The following BAIAP3 variants were observed in gnomAD, a reference collection of about 807,000 sequenced individuals.
BAIAP3 encodes the protein BAI1-associated protein 3.
A neutral mutation model predicts 149.7 loss-of-function variants in BAIAP3; 180 were observed. The observed-to-expected ratio is 1.20, with a 90% confidence interval of 1.07 to 1.36. The LOEUF is 1.36. Among genes scored for constraint, BAIAP3 ranks in the 40% most tolerant of loss-of-function variants. The probability of loss-of-function intolerance (pLI) is 0.00; values close to 1 mark genes in which losing one functional copy is unlikely to be tolerated. For synonymous variants in BAIAP3, 845 were observed against 670.7 expected (o/e 1.26, Z -4.02); for missense variants, 1,767 against 1,563.4 (o/e 1.13, Z -2.20).
chr16:1,337,647 T>G (rs895905731), intron 1 of BAIAP3, among the ~76,000 whole-genome samples: 3 of 152,192 alleles, frequency 2.0e-5, no homozygotes, highest in Admixed American at 6.5e-5. Context: ...AGAGGGCAGC[T>G]CTGTCCCAGC....
chr16:1,347,642 G>T lies in BAIAP3; in HGVS notation c.2904+17G>T. ...CTCAAACAGGTAGGGAGGCGCCAGGGACAGGGTGCTGCCTCCGAGGCTCCC... is the reference window on the plus strand; with the variant it reads ...CTCAAACAGGTAGGGAGGCGCCAGGTACAGGGTGCTGCCTCCGAGGCTCCC... On this transcript the variant is annotated intron_variant, in intron 30 of 33. Transcript: ENST00000426824. 2 of 1,612,958 alleles carry T rather than the reference G, an allele frequency of 1.2e-6. No homozygotes were observed. The highest frequency in any genetic ancestry group is 1.1e-5 in the South Asian group (1 of 91,074).
intron 4 of BAIAP3, 32 bp from the exon 5 acceptor site, chr16:1,339,464 C>G (rs374144851): frequency 4.4e-6 from 7 of 1,585,104 alleles, no homozygotes; most frequent in Admixed American, 1.7e-5. Context: ...GCCTGGGACG[C>G]GGCACTGTGG....
At chr16:1,343,930 G>A in intron 15 of BAIAP3, 92 bp from the exon 16 acceptor site, 1 of 1,563,074 alleles carries the variant, frequency 6.4e-7, no homozygotes, top group South Asian at 1.2e-5. Flanking sequence ...ACCATGCCCG[G>A]GGAAGGGTGT....
chr16:1,339,183 C>A lies in BAIAP3; in HGVS notation c.239C>A (p.Ser80Ter). 4 of 1,566,800 alleles carry A rather than the reference C, an allele frequency of 2.6e-6. No homozygotes were observed. In the South Asian group the frequency reaches 4.7e-5, roughly 18 times the overall value. The change falls in exon 4 of 34, where the codon TCG becomes TAG. Residue 80 changes from serine (S) to a stop codon, truncating the protein, a stop_gained. Coordinates refer to ENST00000426824, the MANE Select transcript of BAIAP3 (RefSeq NM_001199097.2). LOFTEE classifies it high-confidence loss of function. ...ACACAGGTCCCCCTGCGCAGTGGCT[C>A]GCCAGCACCCCCGGAGCCTGTGGAT... The part of the protein sequence containing the change: ...PCLEVPLRSG[S>*]PAPPEPVDPS...
chr16:1,341,019 C>A (rs542163496), intron 6 of BAIAP3, 38 bp downstream of exon 6: 13 of 1,608,338 alleles, frequency 8.1e-6, no homozygotes, highest in Non-Finnish European at 1.1e-5. Context: ...CTGACCAGCA[C>A]GTGCCTGCGT....
At chr16:1,337,669 G>GGCT (rs377475253) in intron 1 of BAIAP3, among the ~76,000 whole-genome samples, 12 of 152,132 alleles carry the variant, frequency 7.9e-5, no homozygotes, top group South Asian at 2.1e-4. Flanking sequence ...GTGACATCTG[G>GGCT]GCTGCTGCTG....
At position 1,343,518 on chromosome 16, in the gene BAIAP3, G is replaced by T. The variant is rs2034082959; in HGVS notation, c.1386+5G>T. On this transcript the variant is annotated splice_donor_5th_base_variant and intron_variant, in intron 15 of 33. Coordinates refer to ENST00000426824, the MANE Select transcript of BAIAP3 (RefSeq NM_001199097.2). ...CCTTCACTGCCCCAGGAGCAGGTGG[G>T]TGCAGCCGGGACCTTCTTGCCAGCC... 2 of 1,606,056 alleles carry T rather than the reference G, an allele frequency of 1.2e-6. No individual in the cohort carries two copies. Among genetic ancestry groups the T allele is most frequent in the Non-Finnish European group, 1.7e-6 (2 of 1,177,922 alleles).
intron 2 of BAIAP3, 61 bp downstream of exon 2, chr16:1,338,741 C>T: frequency 1.3e-6 from 2 of 1,560,276 alleles, no homozygotes; most frequent in African/African-American, 1.4e-5. Flanking sequence ...AGACTTCACA[C>T]ATGGCCGCCC....
Position 1,339,686 on chromosome 16 carries a change from C to G in BAIAP3, c.408+83C>G, listed in dbSNP as rs148244582. ...CCCACCCACTGACACCATCATCACCCAAACAGTATGCAGAATCTCCCCGAT... is the reference window on the plus strand; with the variant it reads ...CCCACCCACTGACACCATCATCACCGAAACAGTATGCAGAATCTCCCCGAT... On this transcript the variant is annotated intron_variant, in intron 5 of 33. Transcript: ENST00000426824. 2.0e-5 allele frequency: 22 copies of G among 1,102,318 alleles called. No individual in the cohort carries two copies. The African/African-American group carries it at 2.8e-4, about 14-fold the overall frequency. 68.3% of individuals were successfully genotyped at this position (1,102,318 alleles called of 1,614,324 possible).
At chr16:1,346,759 C>T (rs1596589525) in intron 27 of BAIAP3, 75 bp downstream of exon 27, 8 of 1,526,778 alleles carry the variant, frequency 5.2e-6, no homozygotes, top group Non-Finnish European at 7.0e-6. Context: ...GCCGGAGGCC[C>T]TGTGGGAGCT....
chr16:1,343,598 A>G (rs2034088925), intron 15 of BAIAP3, 85 bp downstream of exon 15: 18 of 1,544,796 alleles, frequency 1.2e-5, no homozygotes, highest in Non-Finnish European at 1.6e-5. Context: ...GGCGAGGGGC[A>G]GAGTCCTGCC....
At chr16:1,340,842 C>T in intron 5 of BAIAP3, 80 bp from the exon 6 acceptor site, 2 of 1,462,374 alleles carry the variant, frequency 1.4e-6, no homozygotes, top group Non-Finnish European at 1.9e-6. Flanking sequence ...CTGTGACGGG[C>T]TGAGCCCGAG....
Position 1,346,522 on chromosome 16 carries a change from G to A in BAIAP3, c.2562+12G>A, listed in dbSNP as rs995305379. 6.2e-7 allele frequency: 1 copy of A among 1,606,810 alleles called. No individual in the cohort carries two copies. Among genetic ancestry groups the A allele is most frequent in the Non-Finnish European group, 8.5e-7 (1 of 1,177,104 alleles). ...TCCAGAACGATGAGGTGAGTGCCGG[G>A]GCGAGGGGCCGTGGAGGACTGTGTG... On this transcript the variant is annotated intron_variant, in intron 26 of 33. Coordinates refer to ENST00000426824, the MANE Select transcript of BAIAP3 (RefSeq NM_001199097.2).
chr16:1,344,683 C>A lies in BAIAP3; in HGVS notation c.1742C>A (p.Ala581Asp). The change falls in exon 19 of 34, where the codon GCC (alanine) becomes GAC (aspartate). Residue 581 changes from alanine (A) to aspartate (D), a missense_variant. Physicochemically the swap from Ala to Asp is moderately radical, Grantham distance 126. Transcript: ENST00000426824. ...CTTCAGTTCTGCTACAGTGTGTACG[C>A]CAGCCTCTTCCACAGGTGGGCCTGG... ...DDLQFCYSVYASLFHSILNVD... is the reference protein window; with the variant it reads ...DDLQFCYSVYDSLFHSILNVD... 1 of 1,613,644 alleles carries A rather than the reference C, an allele frequency of 6.2e-7. No individual in the cohort carries two copies. Among genetic ancestry groups the A allele is most frequent in the African/African-American group, 1.3e-5 (1 of 75,060 alleles).
At chr16:1,336,506 C>G (rs1042096014) in intron 1 of BAIAP3, 1 of 573,024 alleles carries the variant, frequency 1.7e-6, no homozygotes, top group Non-Finnish European at 2.2e-6. Context: ...ACCCAGGGCT[C>G]GGGGGCTGGC....
chr16:1,334,351 A>G (rs1285551535), intron 1 of BAIAP3, among the ~76,000 whole-genome samples: 1 of 151,222 alleles, frequency 6.6e-6, no homozygotes, highest in Non-Finnish European at 1.5e-5. Context: ...CCGCCCCCAG[A>G]CTCACCCCGG....
intron 1 of BAIAP3, among the ~76,000 whole-genome samples, chr16:1,335,089 C>A (rs926777196): frequency 1.5e-4 from 23 of 152,248 alleles, no homozygotes; most frequent in African/African-American, 3.4e-4. Context: ...ACCCTGAGCC[C>A]CCAAATGGCC....
In BAIAP3 at chr16:1,342,028, G is replaced by A. The variant is rs921315526; in HGVS notation, c.819G>A (p.Lys273=). 1.2e-6 allele frequency: 2 copies of A among 1,607,558 alleles called. No individual in the cohort carries two copies. Among genetic ancestry groups the A allele is most frequent in the Non-Finnish European group, 1.7e-6 (2 of 1,177,092 alleles). ...TATCCCTGGTAGAAGCGTGCAGGAA[G>A]CTGAATGAAGTCATCGGCCTGAAGG... The part of the protein sequence containing the change: ...DDVSLVEACR[K]LNEVIGLKGM... Residue 273 remains lysine, a synonymous_variant, in exon 10 of 34, where the codon AAG becomes AAA. Coordinates refer to ENST00000426824, the MANE Select transcript of BAIAP3 (RefSeq NM_001199097.2).
chr16:1,339,298 G>A (rs2033691322), intron 4 of BAIAP3, 54 bp downstream of exon 4: 3 of 1,540,024 alleles, frequency 1.9e-6, no homozygotes, highest in Non-Finnish European at 2.6e-6. Flanking sequence ...TGCTCCCTCA[G>A]CCGTTTAGAG....
Sources: allele counts gnomAD v4.1 joint callset (sites outside exome capture counted in the v4.1 genomes callset), GRCh38; gene constraint gnomAD v4.1.1; transcripts MANE v1.5; gene names NCBI Gene and HGNC (gene_info 2026-07-23, HGNC 2026-07-21).